The following PKN2 variants were observed in gnomAD, a reference collection of about 807,000 sequenced individuals.
PKN2 encodes serine/threonine-protein kinase N2.
Under a neutral mutation model 119.1 loss-of-function variants are expected in PKN2, and 38 were observed. The observed-to-expected ratio is 0.32, with a 90% CI of 0.25 to 0.42. The LOEUF is 0.42. PKN2 is among the 10% of genes least tolerant of loss of function. The probability of loss-of-function intolerance (pLI) is 1.00; values close to 1 mark genes in which losing one functional copy is unlikely to be tolerated. For missense variants in PKN2, 850 were observed against 1,165.1 expected (o/e 0.73, Z 3.94); for synonymous variants, 390 against 384.9 (o/e 1.01, Z -0.15).
At chr1:88,709,108 C>T (rs1667120214) in intron 1 of PKN2, among the ~76,000 whole-genome samples, 1 of 151,586 alleles carries the variant, frequency 6.6e-6, no homozygotes, top group African/African-American at 2.4e-5. Flanking sequence ...GGATGGAGTA[C>T]AGTGGCGTGA....
chr1:88,736,016 C>T (rs1269116325), intron 1 of PKN2, among the ~76,000 whole-genome samples: 2 of 152,072 alleles, frequency 1.3e-5, no homozygotes, highest in African/African-American at 4.8e-5. Context: ...CTTCTTCATT[C>T]CCTTTTACCC....
chr1:88,780,110 G>A lies in PKN2; in HGVS notation c.986-4529G>A, dbSNP rs552316763. On this transcript the variant is annotated intron_variant, in intron 6 of 21. Coordinates refer to ENST00000370521, the MANE Select transcript of PKN2 (RefSeq NM_006256.4). The stretch of plus-strand genomic sequence containing the variant: ...TTTTTTAAAGTGCTGTGTGAAATCA[G>A]TGTGGAATAGGAAATCAGTGTGGTA... 2.6e-5 allele frequency among the ~76,000 whole-genome samples: 4 copies of A among 152,292 alleles called. No individual in the cohort carries two copies. The South Asian group carries it at 6.2e-4, about 24-fold the overall frequency.
At position 88,822,018 on chromosome 1, in the gene PKN2, A is replaced by G; in HGVS notation, c.2342+15A>G. ...ATTGTTTATAGGTAAGTTAATTTTT[A>G]ATTTTTTCTAATGGCTTGCTTTGGT... is the stretch of plus-strand genomic sequence containing the variant. On this transcript the variant is annotated intron_variant, in intron 17 of 21. Transcript: ENST00000370521. 1 of 1,510,256 alleles carries G rather than the reference A, an allele frequency of 6.6e-7. No homozygotes were observed. Among genetic ancestry groups the G allele is most frequent in the Non-Finnish European group, 8.9e-7 (1 of 1,126,704 alleles). The allele number at this position is 1,510,256 out of a possible 1,614,324, so 93.6% of individuals were successfully genotyped here. A position where few individuals can be genotyped will look rare whatever the true frequency, so the allele number is the denominator to read the frequency against.
At chr1:88,773,085 CAA>C (rs1421331685) in intron 6 of PKN2, among the ~76,000 whole-genome samples, 1 of 152,086 alleles carries the variant, frequency 6.6e-6, no homozygotes, top group Non-Finnish European at 1.5e-5. Flanking sequence ...TCTCCTATAA[CAA>C]TATTTAATTT....
chr1:88,684,725 GC>G lies in PKN2; in HGVS notation c.48+101del, dbSNP rs1570468949. The G allele has an allele frequency of 6.6e-6, 7 of 1,063,956 alleles. No individual in the cohort carries two copies. In the East Asian group the frequency reaches 1.9e-4, roughly 30 times the overall value. 65.9% of individuals were successfully genotyped at this position (1,063,956 alleles called of 1,614,324 possible). ...CCGAGGAAAGCCCTGCGGCCGCCGC[GC>G]CCCTAGCCCGCTAAGTGCGGAAACT... On this transcript the variant is annotated intron_variant, in intron 1 of 21. Transcript: ENST00000370521.
rs553130537 is a variant in PKN2 at position 88,707,934 on chromosome 1, A to G, written c.48+23306A>G. Reference sequence around the variant, plus strand: ...AAATTAATATGGTTCTTGGGTCTATAGTTGTTCTAGTATTTTTCTTTCCAT... The same window carrying G: ...AAATTAATATGGTTCTTGGGTCTATGGTTGTTCTAGTATTTTTCTTTCCAT... On this transcript the variant is annotated intron_variant, in intron 1 of 21. Coordinates refer to ENST00000370521, the MANE Select transcript of PKN2 (RefSeq NM_006256.4). Among the ~76,000 whole-genome samples, 4 of 152,176 alleles carry G rather than the reference A, an allele frequency of 2.6e-5. No individual in the cohort carries two copies. The South Asian group carries it at 8.3e-4, about 32-fold the overall frequency.
intron 8 of PKN2, among the ~76,000 whole-genome samples, chr1:88,801,757 T>C (rs1232270960): frequency 6.6e-6 from 1 of 152,238 alleles, no homozygotes; most frequent in African/African-American, 2.4e-5. Context: ...CTTTACTTTC[T>C]GCAGAAAGCG....
intron 8 of PKN2, among the ~76,000 whole-genome samples, chr1:88,793,490 A>C (rs1177787046): frequency 6.6e-6 from 1 of 152,076 alleles, no homozygotes; most frequent in Non-Finnish European, 1.5e-5. Flanking sequence ...AGAATTGCCT[A>C]CTTTTTTTTC....
At chr1:88,738,593 A>T (rs1668449812) in intron 1 of PKN2, among the ~76,000 whole-genome samples, 1 of 152,228 alleles carries the variant, frequency 6.6e-6, no homozygotes, top group Admixed American at 6.5e-5. Flanking sequence ...CAGTAAACGA[A>T]AGTGTTAGGT....
At chr1:88,789,691 TAAC>T (rs1553155765) in intron 8 of PKN2, among the ~76,000 whole-genome samples, 13 of 123,310 alleles carry the variant, frequency 1.1e-4, no homozygotes, top group African/African-American at 3.0e-4. Flanking sequence ...ATAATAATAA[TAAC>T]AACAACAAAA....
intron 1 of PKN2, among the ~76,000 whole-genome samples, chr1:88,705,691 C>T (rs1280028426): frequency 2.0e-5 from 3 of 151,972 alleles, no homozygotes; most frequent in African/African-American, 7.2e-5. Context: ...GAGTGAGACT[C>T]GGTCTGCAAA....
chr1:88,807,169 T>A, intron 12 of PKN2, 144 bp from the exon 13 acceptor site: 1 of 626,084 alleles, frequency 1.6e-6, no homozygotes, highest in Non-Finnish European at 2.6e-6. Context: ...AAAAAAAATT[T>A]TTTTAAAGAA....
intron 8 of PKN2, among the ~76,000 whole-genome samples, chr1:88,803,044 AC>A (rs900548473): frequency 5.3e-5 from 8 of 152,154 alleles, no homozygotes; most frequent in Non-Finnish European, 8.8e-5. Context: ...TAGCCTTAGT[AC>A]CCCATCCCTT....
intron 6 of PKN2, among the ~76,000 whole-genome samples, chr1:88,779,522 A>G (rs2100818882): frequency 6.6e-6 from 1 of 151,892 alleles, no homozygotes; most frequent in East Asian, 1.9e-4. Flanking sequence ...GATCTGTACC[A>G]CATGAGGACC....
intron 6 of PKN2, among the ~76,000 whole-genome samples, chr1:88,777,122 C>T (rs1320513626): frequency 2.0e-5 from 3 of 152,192 alleles, no homozygotes; most frequent in Non-Finnish European, 4.4e-5. Context: ...TAAGACTAGA[C>T]AAGTGCAATT....
chr1:88,711,458 A>G (rs1667232830), intron 1 of PKN2, among the ~76,000 whole-genome samples: 1 of 152,146 alleles, frequency 6.6e-6, no homozygotes, highest in Non-Finnish European at 1.5e-5. Context: ...TGTCAATTGG[A>G]GTAGATATGA....
chr1:88,795,408 T>C (rs1486113698), intron 8 of PKN2, among the ~76,000 whole-genome samples: 1 of 152,232 alleles, frequency 6.6e-6, no homozygotes, highest in Non-Finnish European at 1.5e-5. Context: ...ATTTTTATTT[T>C]GCTTCGTCCT....
At chr1:88,748,081 C>CT (rs1937523037) in intron 2 of PKN2, among the ~76,000 whole-genome samples, 1 of 151,960 alleles carries the variant, frequency 6.6e-6, no homozygotes. Flanking sequence ...TACTTGAATT[C>CT]TTTTTATGAT....
At chr1:88,822,255 C>G (rs1672323848) in intron 17 of PKN2, among the ~76,000 whole-genome samples, 1 of 152,122 alleles carries the variant, frequency 6.6e-6, no homozygotes, top group South Asian at 2.1e-4. Context: ...TAGTGCATTT[C>G]TCAACAATAT....
Sources: allele counts gnomAD v4.1 joint callset (sites outside exome capture counted in the v4.1 genomes callset), GRCh38; gene constraint gnomAD v4.1.1; transcripts MANE v1.5; gene names NCBI Gene and HGNC (gene_info 2026-07-23, HGNC 2026-07-21).